Variants in ZNF407 observed in about 807,000 individuals in gnomAD.
The protein encoded by ZNF407 is zinc finger protein 407.
ZNF407 carries 17 observed loss-of-function variants against 131.2 expected under a neutral mutation model. That is an observed-to-expected ratio of 0.13 (90% CI 0.09 to 0.19). ZNF407 has a LOEUF of 0.19. Among genes scored for constraint, ZNF407 ranks in the 10% least tolerant of loss-of-function variants. The probability of loss-of-function intolerance (pLI) is 1.00; values close to 1 mark genes in which losing one functional copy is unlikely to be tolerated. For synonymous variants in ZNF407, 1,156 were observed against 1,062.0 expected, an observed-to-expected ratio of 1.09 and a Z score of -1.72; for missense variants, 2,681 against 2,830.6, an observed-to-expected ratio of 0.95 and a Z score of 1.20.
At chr18:74,657,765 C>T (rs1052238573) in intron 3 of ZNF407, among the ~76,000 whole-genome samples, 1 of 152,108 alleles carries the variant, frequency 6.6e-6, no homozygotes, top group Admixed American at 6.5e-5. Flanking sequence ...CAAATACTGT[C>T]GTCCACCCTG....
intron 1 of ZNF407, among the ~76,000 whole-genome samples, chr18:74,610,996 A>G (rs559975142): frequency 3.9e-5 from 6 of 152,358 alleles, no homozygotes; most frequent in East Asian, 1.9e-4. Context: ...ATAAACCTCA[A>G]TGAAGTAATG....
rs368988947 is a variant in ZNF407, at chr18:75,063,994, G to A, written c.6273G>A (p.Thr2091=). ...TCCTCCAGTTTGCTGTGTGTGACACGGCCGCGGCCGGCCAGTTGGTCAAGG... is the reference window on the plus strand; with the variant it reads ...TCCTCCAGTTTGCTGTGTGTGACACAGCCGCGGCCGGCCAGTTGGTCAAGG... ...QGVLQFAVCD[T]AAAGQLVKDG... is the part of the protein sequence containing the mutation. The change falls in exon 9 of 9, where the codon ACG becomes ACA. Residue 2091 remains threonine (T), a synonymous_variant. Coordinates refer to ENST00000299687, the MANE Select transcript of ZNF407 (RefSeq NM_017757.3). This position sits in a 1 kb window ranked among gnomAD's most constrained non-coding sequence, Gnocchi z 6.6. 28 of 1,611,192 alleles carry A rather than the reference G, an allele frequency of 1.7e-5. No individual in the cohort carries two copies. Among genetic ancestry groups the A allele is most frequent in the East Asian group, 1.1e-4 (5 of 44,758 alleles).
chr18:75,034,695 T>C (rs1394370625), intron 8 of ZNF407, among the ~76,000 whole-genome samples: 1 of 152,178 alleles, frequency 6.6e-6, no homozygotes, highest in Admixed American at 6.5e-5. Flanking sequence ...AATGGTTTAG[T>C]TCTAAATATT....
At chr18:74,934,422 G>T (rs79313117) in intron 8 of ZNF407, among the ~76,000 whole-genome samples, 1 of 152,108 alleles carries the variant, frequency 6.6e-6, no homozygotes, top group Non-Finnish European at 1.5e-5. Flanking sequence ...CCAGATGTTG[G>T]CCAGGAATAG....
intron 3 of ZNF407, among the ~76,000 whole-genome samples, chr18:74,710,240 T>C (rs1040960626): frequency 4.6e-5 from 7 of 152,204 alleles, no homozygotes; most frequent in Admixed American, 1.3e-4. Flanking sequence ...TTTATACAGA[T>C]TAATAGAAAT....
intron 4 of ZNF407, among the ~76,000 whole-genome samples, chr18:74,846,145 A>G (rs915538544): frequency 2.6e-5 from 4 of 152,216 alleles, no homozygotes; most frequent in Non-Finnish European, 5.9e-5. Flanking sequence ...AACATTCAAA[A>G]TGGTCTATTA....
chr18:74,942,955 C>T (rs965934005), intron 8 of ZNF407, among the ~76,000 whole-genome samples: 1 of 151,012 alleles, frequency 6.6e-6, no homozygotes, highest in African/African-American at 2.4e-5. Flanking sequence ...CTCACTCTGT[C>T]GCCCAGGCTG....
At chr18:75,059,108 C>T (rs1159927413) in intron 8 of ZNF407, among the ~76,000 whole-genome samples, 2 of 152,172 alleles carry the variant, frequency 1.3e-5, no homozygotes, top group Non-Finnish European at 2.9e-5. Flanking sequence ...CACCCCACAC[C>T]GACAGCAGTA....
At chr18:74,824,599 A>G (rs990825686) in intron 4 of ZNF407, among the ~76,000 whole-genome samples, 1 of 152,218 alleles carries the variant, frequency 6.6e-6, no homozygotes, top group Non-Finnish European at 1.5e-5. Flanking sequence ...ACACAAATAA[A>G]CTAGAAAATC....
intron 6 of ZNF407, among the ~76,000 whole-genome samples, chr18:74,884,506 G>A (rs1971281599): frequency 6.6e-6 from 1 of 152,102 alleles, no homozygotes; most frequent in South Asian, 2.1e-4. Context: ...GCTTAGCATA[G>A]GATTTTATGT....
intron 4 of ZNF407, among the ~76,000 whole-genome samples, chr18:74,862,232 G>A (rs909912100): frequency 2.0e-5 from 3 of 152,208 alleles, no homozygotes; most frequent in Non-Finnish European, 4.4e-5. Context: ...CTAGGTCCTA[G>A]AGCAGAGTAT....
chr18:74,894,954 T>C (rs1971433497), intron 7 of ZNF407, among the ~76,000 whole-genome samples: 1 of 151,556 alleles, frequency 6.6e-6, no homozygotes, highest in South Asian at 2.1e-4. Flanking sequence ...CCCTTTTTAA[T>C]TTTTTTTTAA....
intron 8 of ZNF407, among the ~76,000 whole-genome samples, chr18:74,928,870 T>G (rs1971946745): frequency 6.6e-6 from 1 of 152,108 alleles, no homozygotes; most frequent in African/African-American, 2.4e-5. Flanking sequence ...GTGGGGGAGC[T>G]TAGAATTTTA....
intron 4 of ZNF407, among the ~76,000 whole-genome samples, chr18:74,855,852 G>A (rs1177429598): frequency 6.6e-6 from 1 of 152,252 alleles, no homozygotes; most frequent in South Asian, 2.1e-4. Flanking sequence ...AGATTATTTG[G>A]TGTTGGAAGT....
intron 3 of ZNF407, among the ~76,000 whole-genome samples, chr18:74,665,601 T>A (rs1204459373): frequency 6.6e-6 from 1 of 152,186 alleles, no homozygotes; most frequent in East Asian, 1.9e-4. Context: ...ATAAAATTGG[T>A]AGGCACCTTA....
chr18:74,969,096 C>A (rs1972442492), intron 8 of ZNF407, among the ~76,000 whole-genome samples: 1 of 152,186 alleles, frequency 6.6e-6, no homozygotes, highest in African/African-American at 2.4e-5. Flanking sequence ...TTTTTCAGTT[C>A]TGTAAATTCC....
chr18:74,920,881 A>G, intron 8 of ZNF407, 189 bp downstream of exon 8: 6 of 1,248,024 alleles, frequency 4.8e-6, no homozygotes, highest in Non-Finnish European at 6.0e-6. Flanking sequence ...GGACTTTTCA[A>G]CTGTATTTTA....
intron 8 of ZNF407, among the ~76,000 whole-genome samples, chr18:74,996,364 C>G (rs1303924363): frequency 6.6e-6 from 1 of 152,178 alleles, no homozygotes; most frequent in Non-Finnish European, 1.5e-5. Flanking sequence ...ACGCTTATCA[C>G]TTATTATGGC....
chr18:74,876,137 T>C (rs1252622240), intron 4 of ZNF407, among the ~76,000 whole-genome samples: 1 of 152,360 alleles, frequency 6.6e-6, no homozygotes, highest in South Asian at 2.1e-4. Context: ...CATCTCCTTA[T>C]TCATATCATA....
Sources: gnomAD v4.1 joint callset for allele counts (sites outside exome capture counted in the v4.1 genomes callset) on GRCh38, gnomAD v4.1.1 for gene constraint, Gnocchi (gnomAD v3.1) non-coding constraint, MANE v1.5 for transcripts, NCBI Gene and HGNC (gene_info 2026-07-23, HGNC 2026-07-21) for gene names.